Variants in ELAVL2 observed in about 807,000 individuals in gnomAD.
ELAVL2 encodes the protein ELAV like RNA binding protein 2, also known as ELAV-like protein 2.
In ELAVL2, 4 loss-of-function variants were observed where a neutral mutation model predicts 34.6. The observed-to-expected ratio is 0.12, with a 90% confidence interval of 0.06 to 0.26. ELAVL2 has a LOEUF of 0.26. ELAVL2 is among the 10% of genes least tolerant of loss of function. The pLI is 1.00. For synonymous variants in ELAVL2, 193 were observed against 154.8 expected (o/e 1.25, Z -1.83); for missense variants, 432 against 442.8 (o/e 0.98, Z 0.22).
chr9:23,821,051 C>A (rs1202116301), intron 1 of ELAVL2, among the ~76,000 whole-genome samples: 4 of 152,212 alleles, frequency 2.6e-5, no homozygotes, highest in Non-Finnish European at 2.9e-5. Context: ...GCTCCAAGGA[C>A]CGCGCGCGCG....
intron 1 of ELAVL2, chr9:23,821,592 C>G (rs1432786025): frequency 6.6e-6 from 1 of 152,470 alleles, no homozygotes; most frequent in Non-Finnish European, 1.5e-5. Context: ...GCCCCCACGC[C>G]CCCAGCACTT....
At chr9:23,698,994 C>T (rs556211480) in intron 5 of ELAVL2, among the ~76,000 whole-genome samples, 1 of 152,300 alleles carries the variant, frequency 6.6e-6, no homozygotes, top group East Asian at 1.9e-4. Context: ...ATAACAATTT[C>T]TCCCATTTTC....
At chr9:23,694,960 T>A (rs956778936) in intron 5 of ELAVL2, among the ~76,000 whole-genome samples, 3 of 152,196 alleles carry the variant, frequency 2.0e-5, no homozygotes, top group African/African-American at 7.2e-5. Context: ...ATAATAAATA[T>A]GTGATGACCA....
At chr9:23,769,839 T>C (rs2056980054) in intron 1 of ELAVL2, among the ~76,000 whole-genome samples, 1 of 152,162 alleles carries the variant, frequency 6.6e-6, no homozygotes, top group African/African-American at 2.4e-5. Flanking sequence ...AAGTACACAG[T>C]CTCCTTCATG....
At chr9:23,812,757 A>C (rs2063178590) in intron 1 of ELAVL2, among the ~76,000 whole-genome samples, 1 of 152,014 alleles carries the variant, frequency 6.6e-6, no homozygotes, top group Non-Finnish European at 1.5e-5. Flanking sequence ...TATCAAAAAA[A>C]AAAAAAAAAT....
intron 2 of ELAVL2, among the ~76,000 whole-genome samples, chr9:23,736,663 C>A (rs1351974717): frequency 6.6e-6 from 1 of 152,208 alleles, no homozygotes; most frequent in African/African-American, 2.4e-5. Flanking sequence ...CCAGCTAAAT[C>A]GGCCCCTTGT....
At chr9:23,750,090 A>G (rs1048498570) in intron 2 of ELAVL2, among the ~76,000 whole-genome samples, 3 of 152,102 alleles carry the variant, frequency 2.0e-5, no homozygotes, top group Non-Finnish European at 4.4e-5. Flanking sequence ...CTAGGAAAGA[A>G]TATTAGACAT....
chr9:23,743,863 A>G (rs2049871504), intron 2 of ELAVL2, among the ~76,000 whole-genome samples: 1 of 152,134 alleles, frequency 6.6e-6, no homozygotes, highest in Admixed American at 6.6e-5. Context: ...CATATCTGAG[A>G]CCCACTCTTG....
chr9:23,812,113 G>T (rs1362841953), intron 1 of ELAVL2, among the ~76,000 whole-genome samples: 3 of 152,172 alleles, frequency 2.0e-5, no homozygotes, highest in Non-Finnish European at 4.4e-5. Flanking sequence ...CAAGAGTGGG[G>T]AGTGTGTGAT....
chr9:23,846,196 A>C, the ELAVL2 span, among the ~76,000 whole-genome samples: 16 of 152,022 alleles, frequency 1.1e-4, no homozygotes, highest in East Asian at 2.1e-3. Context: ...AAGGAATCAT[A>C]TAGTAGGGCC....
intron 5 of ELAVL2, 130 bp from the exon 6 acceptor site, chr9:23,693,616 T>C (rs1048638621): frequency 6.2e-6 from 7 of 1,137,012 alleles, no homozygotes; most frequent in Middle Eastern, 2.3e-4. Context: ...CTCAGAATGC[T>C]GGGTCTTTTT....
chr9:23,714,764 C>A (rs1190477970), intron 3 of ELAVL2, among the ~76,000 whole-genome samples: 5 of 152,036 alleles, frequency 3.3e-5, no homozygotes, highest in African/African-American at 1.2e-4. Context: ...TTACAAGCTA[C>A]CATGCAATCG....
chr9:23,806,225 C>A (rs547475428), intron 1 of ELAVL2, among the ~76,000 whole-genome samples: 2 of 152,066 alleles, frequency 1.3e-5, no homozygotes, highest in African/African-American at 4.8e-5. Flanking sequence ...AACTTCATAG[C>A]AACCAAAATA....
At chr9:23,761,308 G>T (rs562429326) in intron 2 of ELAVL2, among the ~76,000 whole-genome samples, 64 of 152,062 alleles carry the variant, frequency 4.2e-4, no homozygotes, top group Non-Finnish European at 8.2e-4. Context: ...ACTCCTGCAG[G>T]AAGCATTAAC....
chr9:23,760,539 G>A (rs997198097), intron 2 of ELAVL2, among the ~76,000 whole-genome samples: 1 of 151,872 alleles, frequency 6.6e-6, no homozygotes, highest in Non-Finnish European at 1.5e-5. Flanking sequence ...AAAACATCAC[G>A]ACAGAGACGT....
intron 3 of ELAVL2, among the ~76,000 whole-genome samples, chr9:23,717,718 T>C (rs965504801): frequency 1.3e-5 from 2 of 152,166 alleles, no homozygotes; most frequent in African/African-American, 4.8e-5. Context: ...ACTCATCATA[T>C]ATCCAAATAA....
intron 1 of ELAVL2, among the ~76,000 whole-genome samples, chr9:23,781,848 C>A (rs1564441289): frequency 6.6e-6 from 1 of 152,086 alleles, no homozygotes; most frequent in Non-Finnish European, 1.5e-5. Context: ...CCACGCCCGG[C>A]TAATTTTTTG....
chr9:23,821,826 G>GGC (rs1274494069), intron 1 of ELAVL2: 1 of 151,526 alleles, frequency 6.6e-6, no homozygotes, highest in African/African-American at 2.4e-5. Flanking sequence ...GTGACGCCCA[G>GGC]GCGCCGCGGT....
chr9:23,782,690 C>G (rs3793590), intron 1 of ELAVL2, among the ~76,000 whole-genome samples: 1 of 152,188 alleles, frequency 6.6e-6, no homozygotes, highest in African/African-American at 2.4e-5. Flanking sequence ...AATTAGCGTA[C>G]GTTCCATCCC....
Sources: gnomAD v4.1 joint callset for allele counts (sites outside exome capture counted in the v4.1 genomes callset) on GRCh38, gnomAD v4.1.1 for gene constraint, MANE v1.5 for transcripts, NCBI Gene and HGNC (gene_info 2026-07-23, HGNC 2026-07-21) for gene names.